The following ALKBH1 variants were observed in gnomAD, a reference collection of about 807,000 sequenced individuals.
ALKBH1 encodes alkB homolog 1, histone H2A dioxygenase.
ALKBH1 carries 31 observed loss-of-function variants against 36.6 expected under a neutral mutation model. The observed-to-expected ratio is 0.85, with a 90% CI of 0.64 to 1.14. The LOEUF (loss-of-function observed/expected upper bound fraction) is 1.14. Among genes scored for constraint, ALKBH1 ranks in the 50% most tolerant of loss-of-function variants. The pLI is 0.00. For missense variants in ALKBH1, 490 were observed against 497.3 expected, an observed-to-expected ratio of 0.99 and a Z score of 0.14; for synonymous variants, 183 against 186.6, an observed-to-expected ratio of 0.98 and a Z score of 0.16.
rs140932637 is a variant in ALKBH1 at position 77,703,768 on chromosome 14, T to G, written c.292+601A>C. ...ACGCACCACCATGCCCAGCTAATTTTTGTATTTTTAGTAGAGACGGGATTT... is the reference window on the plus strand; with the variant it reads ...ACGCACCACCATGCCCAGCTAATTTGTGTATTTTTAGTAGAGACGGGATTT... On this transcript the variant is annotated intron_variant, in intron 2 of 5. Transcript: ENST00000216489. Among the ~76,000 whole-genome samples the G allele has an allele frequency of 8.2e-3, 1,248 of 152,054 alleles. 7 individuals are homozygous for G. The highest frequency in any genetic ancestry group is 0.014 in the Non-Finnish European group (922 of 67,998).
At chr14:77,707,307 A>G (rs1305985792) in intron 1 of ALKBH1, among the ~76,000 whole-genome samples, 1 of 152,186 alleles carries the variant, frequency 6.6e-6, no homozygotes. Flanking sequence ...TGTATTCCAT[A>G]TATACTTGTT....
chr14:77,689,272 T>C (rs2080285203), intron 3 of ALKBH1, among the ~76,000 whole-genome samples: 2 of 152,206 alleles, frequency 1.3e-5, no homozygotes, highest in South Asian at 4.1e-4. Flanking sequence ...CCAAAGCACC[T>C]TGCAACTTCT....
chr14:77,675,285 T>A (rs1421296316), intron 5 of ALKBH1, among the ~76,000 whole-genome samples: 4 of 150,448 alleles, frequency 2.7e-5, no homozygotes, highest in Admixed American at 6.6e-5. Context: ...AAAAAAAAAA[T>A]TAGCTGGGTG....
chr14:77,698,843 G>A (rs1247861387), intron 2 of ALKBH1, among the ~76,000 whole-genome samples: 1 of 152,180 alleles, frequency 6.6e-6, no homozygotes, highest in Non-Finnish European at 1.5e-5. Flanking sequence ...CCACCTCCCT[G>A]GTTCAAGCGA....
rs372795735 is a variant in ALKBH1 at position 77,694,742 on chromosome 14, G to C, written c.451C>G (p.Leu151Val). The change falls in exon 3 of 6, where the codon CTG becomes GTG. Residue 151 changes from leucine to valine, a missense_variant. Physicochemically the swap from Leu to Val is conservative, Grantham distance 32 (BLOSUM62 1). Transcript: ENST00000216489. Reference sequence around the variant, plus strand: ...ATTCTGATTGACAAGACTTACCTCAGGAACTCTTTGCTCTGTTCCCACAGA... The same window carrying C: ...ATTCTGATTGACAAGACTTACCTCACGAACTCTTTGCTCTGTTCCCACAGA... ...QDLWEQSKEF[L>V]RYKEATKRRP... The C allele has an allele frequency of 4.4e-6, 7 of 1,582,994 alleles. No individual in the cohort carries two copies. The highest frequency in any genetic ancestry group is 3.4e-4 in the Middle Eastern group (2 of 5,922).
chr14:77,688,648 G>C (rs1417743470), intron 3 of ALKBH1, among the ~76,000 whole-genome samples: 1 of 151,464 alleles, frequency 6.6e-6, no homozygotes, highest in Non-Finnish European at 1.5e-5. Flanking sequence ...CACCTGCCGG[G>C]TTCAAGCGAT....
intron 4 of ALKBH1, among the ~76,000 whole-genome samples, chr14:77,679,581 C>T (rs1385767780): frequency 6.6e-6 from 1 of 152,130 alleles, no homozygotes; most frequent in Non-Finnish European, 1.5e-5. Flanking sequence ...CAGGCATGTG[C>T]CACCAGGCCC....
chr14:77,683,147 GTCTT>G (rs776243183), intron 3 of ALKBH1: 1 of 464,714 alleles, frequency 2.2e-6, no homozygotes, highest in Non-Finnish European at 3.8e-6. Context: ...AAGCTGTAAA[GTCTT>G]TTTTTTTTTT....
chr14:77,689,510 A>G (rs1416073658), intron 3 of ALKBH1, among the ~76,000 whole-genome samples: 1 of 152,196 alleles, frequency 6.6e-6, no homozygotes, highest in Admixed American at 6.5e-5. Context: ...TTATTGGACT[A>G]ATAAAGAGGG....
intron 4 of ALKBH1, among the ~76,000 whole-genome samples, chr14:77,678,280 G>A (rs1409346955): frequency 1.3e-5 from 2 of 152,052 alleles, no homozygotes; most frequent in Admixed American, 6.6e-5. Context: ...AAAATCACAT[G>A]GCATTTCCCC....
intron 4 of ALKBH1, among the ~76,000 whole-genome samples, chr14:77,677,551 G>A (rs2139843724): frequency 6.6e-6 from 1 of 152,148 alleles, no homozygotes; most frequent in Non-Finnish European, 1.5e-5. Context: ...ATCTACTTTT[G>A]TCTCATATCT....
intron 2 of ALKBH1, among the ~76,000 whole-genome samples, chr14:77,701,454 G>A (rs2080358820): frequency 6.6e-6 from 1 of 152,164 alleles, no homozygotes; most frequent in Non-Finnish European, 1.5e-5. Flanking sequence ...AACCACTGGT[G>A]TGCACTGCTT....
At chr14:77,691,058 C>T (rs2080294553) in intron 3 of ALKBH1, among the ~76,000 whole-genome samples, 1 of 152,170 alleles carries the variant, frequency 6.6e-6, no homozygotes, top group African/African-American at 2.4e-5. Context: ...AACTCGGCCT[C>T]CCAAAGTGCT....
At chr14:77,707,746 G>A in intron 1 of ALKBH1, 76 bp downstream of exon 1, 2 of 1,495,690 alleles carry the variant, frequency 1.3e-6, no homozygotes, top group Non-Finnish European at 1.8e-6. Flanking sequence ...GTGAAAAGAG[G>A]CGAAGAAGAC....
intron 2 of ALKBH1, among the ~76,000 whole-genome samples, chr14:77,699,150 T>C (rs1326740495): frequency 6.6e-6 from 1 of 152,226 alleles, no homozygotes; most frequent in Non-Finnish European, 1.5e-5. Flanking sequence ...CAAAAAGGTG[T>C]GGCTGTATTC....
chr14:77,674,220 A>G lies in ALKBH1; in HGVS notation c.762T>C (p.Phe254=), dbSNP rs35525432. 988 of 1,607,940 alleles carry G rather than the reference A, an allele frequency of 6.1e-4. 7 individuals carry two copies. In the African/African-American group the frequency reaches 0.011, roughly 18 times the overall value. Residue 254 remains phenylalanine (F), a synonymous_variant, in exon 6 of 6, where the codon TTT becomes TTC. Transcript: ENST00000216489. ...CATCCCTTTGAAGACCACCCAGGAG[A>G]AAGATGGCGGACTGTCCAAAGCTAC... ...LSFSFGQSAI[F]LLGGLQRDEA...
intron 1 of ALKBH1, among the ~76,000 whole-genome samples, chr14:77,706,608 C>T (rs2139870101): frequency 6.6e-6 from 1 of 152,278 alleles, no homozygotes; most frequent in South Asian, 2.1e-4. Flanking sequence ...GTACTTAGTA[C>T]TGTTTTAGGT....
chr14:77,674,020 G>A lies in ALKBH1; in HGVS notation c.962C>T (p.Pro321Leu). Residue 321 changes from proline to leucine, a missense_variant, in exon 6 of 6, where the codon CCT becomes CTT. By Grantham distance (98) the Pro-to-Leu change is moderately conservative (BLOSUM62 -3). Transcript: ENST00000216489. The stretch of plus-strand genomic sequence containing the variant: ...CACCTGCCAGTCCTCCATAGAACAA[G>A]GCTCTACCATTGAATCTCTCGGGAG... Reference protein sequence around the residue: ...AVLPRDSMVEPCSMEDWQVCA... With the variant: ...AVLPRDSMVELCSMEDWQVCA... 2 of 1,614,226 alleles carry A rather than the reference G, an allele frequency of 1.2e-6. No individual in the cohort carries two copies. Among genetic ancestry groups the A allele is most frequent in the Non-Finnish European group, 1.7e-6 (2 of 1,180,050 alleles).
In ALKBH1 at chr14:77,706,154, T is replaced by A. The variant is rs2080389403; in HGVS notation, c.183+1668A>T. Among the ~76,000 whole-genome samples the A allele has an allele frequency of 2.6e-5, 4 of 152,080 alleles. No individual in the cohort carries two copies. The South Asian group carries it at 6.2e-4, about 24-fold the overall frequency. ...CTCTTTGAAAGAGAATGATCTTTTA[T>A]CTTATCAACTTCTCCAAGTGTGGAG... On this transcript the variant is annotated intron_variant, in intron 1 of 5. Transcript: ENST00000216489.
Sources: allele counts gnomAD v4.1 joint callset (sites outside exome capture counted in the v4.1 genomes callset), GRCh38; gene constraint gnomAD v4.1.1; transcripts MANE v1.5; gene names NCBI Gene and HGNC (gene_info 2026-07-23, HGNC 2026-07-21).